The following ST18 variants were observed in gnomAD, a reference collection of about 807,000 sequenced individuals.
The protein encoded by ST18 is suppression of tumorigenicity 18 protein.
A neutral mutation model predicts 110.0 loss-of-function variants in ST18; 50 were observed. That is an observed-to-expected ratio of 0.45 (90% CI 0.36 to 0.58). The LOEUF (loss-of-function observed/expected upper bound fraction) is 0.58, where lower values mean the gene tolerates loss of function less well. Among genes scored for constraint, ST18 ranks in the 20% least tolerant of loss-of-function variants. ST18 has a pLI of 0.00. For synonymous variants in ST18, 461 were observed against 452.4 expected, an observed-to-expected ratio of 1.02 and a Z score of -0.24; for missense variants, 1,306 against 1,280.1, an observed-to-expected ratio of 1.02 and a Z score of -0.31.
At chr8:52,375,860 C>G (rs893389214) in intron 2 of ST18, among the ~76,000 whole-genome samples, 1 of 152,146 alleles carries the variant, frequency 6.6e-6, no homozygotes, top group African/African-American at 2.4e-5. Context: ...ACCAGCTCCA[C>G]CCACAGCCTT....
chr8:52,180,056 A>G, intron 9 of ST18, 66 bp downstream of exon 9: 1 of 1,507,400 alleles, frequency 6.6e-7, no homozygotes, highest in Non-Finnish European at 9.1e-7. Context: ...CACACACTCT[A>G]CATGAATTAG....
Position 52,136,658 on chromosome 8 carries a change from A to G in ST18, c.2232T>C (p.Ser744=), listed in dbSNP as rs767047350. The G allele has an allele frequency of 1.9e-6, 3 of 1,606,372 alleles. No homozygotes were observed. The highest frequency in any genetic ancestry group is 2.5e-6 in the Non-Finnish European group (3 of 1,176,520). The part of the protein sequence containing the change: ...HVTGNYASHR[S]VSGCPLADKT... ...TATCTGCTAAAGGACATCCAGAAAC[A>G]CTAGAGAGGGATGAGGAAAAAAACA... is the stretch of plus-strand genomic sequence containing the variant. The change falls in exon 19 of 26, where the codon AGT becomes AGC. Residue 744 remains serine, a splice_region_variant and synonymous_variant. Coordinates refer to ENST00000689386, the MANE Select transcript of ST18 (RefSeq NM_001352837.2).
intron 2 of ST18, among the ~76,000 whole-genome samples, chr8:52,304,821 G>A (rs1287021091): frequency 3.3e-5 from 5 of 152,152 alleles, no homozygotes; most frequent in Admixed American, 6.5e-5. Context: ...TCTTCTTGCT[G>A]TGTTCTCACA....
chr8:52,171,733 T>G (rs1016238973), intron 10 of ST18, 59 bp downstream of exon 10: 2 of 1,552,746 alleles, frequency 1.3e-6, no homozygotes, highest in African/African-American at 2.8e-5. Context: ...CAAATCTGAC[T>G]TTTTTTTCAA....
intron 2 of ST18, among the ~76,000 whole-genome samples, chr8:52,384,809 G>GTA (rs1835922290): frequency 6.6e-6 from 1 of 151,792 alleles, no homozygotes; most frequent in Non-Finnish European, 1.5e-5. Context: ...GTGTGTGTGT[G>GTA]TGTGTATCTA....
At chr8:52,360,785 T>C (rs115852636) in intron 2 of ST18, among the ~76,000 whole-genome samples, 443 of 152,332 alleles carry the variant, frequency 2.9e-3, no homozygotes, top group African/African-American at 0.01. Context: ...TGGGGAGTTA[T>C]TTAATGCCCA....
chr8:52,340,024 G>C (rs1236198122), intron 2 of ST18, among the ~76,000 whole-genome samples: 2 of 152,220 alleles, frequency 1.3e-5, no homozygotes, highest in Non-Finnish European at 2.9e-5. Flanking sequence ...ATAGCATGAA[G>C]TTGGGTTATG....
intron 2 of ST18, among the ~76,000 whole-genome samples, chr8:52,302,785 C>A (rs1589744548): frequency 6.6e-6 from 1 of 152,216 alleles, no homozygotes; most frequent in East Asian, 1.9e-4. Context: ...TAAATCTATA[C>A]AGATATAAAA....
intron 2 of ST18, among the ~76,000 whole-genome samples, chr8:52,292,706 GT>G (rs1262567873): frequency 1.3e-5 from 2 of 152,186 alleles, no homozygotes; most frequent in Admixed American, 1.3e-4. Flanking sequence ...GAGTTTAATT[GT>G]TTTTTACTTT....
At chr8:52,332,806 G>A (rs1218610384) in intron 2 of ST18, among the ~76,000 whole-genome samples, 1 of 152,050 alleles carries the variant, frequency 6.6e-6, no homozygotes, top group Non-Finnish European at 1.5e-5. Context: ...AGCCGAGATT[G>A]TGCCACTGCA....
intron 9 of ST18, among the ~76,000 whole-genome samples, chr8:52,175,975 T>C (rs963491367): frequency 6.6e-6 from 1 of 152,136 alleles, no homozygotes; most frequent in Non-Finnish European, 1.5e-5. Flanking sequence ...AGTTCGGATA[T>C]TTTCAAGAGT....
chr8:52,292,871 A>G (rs1274863144), intron 2 of ST18, among the ~76,000 whole-genome samples: 2 of 152,212 alleles, frequency 1.3e-5, no homozygotes, highest in African/African-American at 2.4e-5. Flanking sequence ...CTCCCTTCCA[A>G]TAAAGAAGGG....
At chr8:52,243,336 A>G (rs1283007739) in intron 2 of ST18, among the ~76,000 whole-genome samples, 1 of 152,218 alleles carries the variant, frequency 6.6e-6, no homozygotes, top group East Asian at 1.9e-4. Context: ...AGAAAAATAA[A>G]ACAACTTGTC....
intron 2 of ST18, among the ~76,000 whole-genome samples, chr8:52,243,178 A>G (rs920072487): frequency 1.3e-5 from 2 of 152,174 alleles, no homozygotes; most frequent in Non-Finnish European, 2.9e-5. Context: ...ACAGAGGTAT[A>G]ATGAGTGCTT....
intron 2 of ST18, among the ~76,000 whole-genome samples, chr8:52,362,293 T>G (rs191534364): frequency 6.9e-4 from 105 of 152,322 alleles, no homozygotes; most frequent in African/African-American, 2.5e-3. Flanking sequence ...TTTTTAAAGG[T>G]AGATAAAATT....
chr8:52,159,434 A>C (rs1286738806), intron 14 of ST18, among the ~76,000 whole-genome samples: 1 of 152,344 alleles, frequency 6.6e-6, no homozygotes, highest in African/African-American at 2.4e-5. Context: ...AGATAAAAAA[A>C]CACACTAGCA....
At chr8:52,217,101 A>T (rs888862427) in intron 6 of ST18, among the ~76,000 whole-genome samples, 1 of 152,160 alleles carries the variant, frequency 6.6e-6, no homozygotes, top group Admixed American at 6.5e-5. Flanking sequence ...AGCCCCGAAT[A>T]CTATTGATAA....
At position 52,214,526 on chromosome 8, in the gene ST18, T is replaced by G. The variant is rs567422461; in HGVS notation, c.1-269A>C. Among the ~76,000 whole-genome samples, 19 of 152,294 alleles carry G rather than the reference T, an allele frequency of 1.2e-4. No homozygotes were observed. The South Asian group carries it at 3.7e-3, about 30-fold the overall frequency. On this transcript the variant is annotated intron_variant, in intron 6 of 25. Transcript: ENST00000689386. ...GTGTTTGAAGTGACTCAAACACTTCTGGCATTACAAAGATAGAAAAAGGCT... is the reference window on the plus strand; with the variant it reads ...GTGTTTGAAGTGACTCAAACACTTCGGGCATTACAAAGATAGAAAAAGGCT...
rs1349554921 is a variant in ST18 at position 52,269,689 on chromosome 8, AT to A, written c.-464-39613del. Among the ~76,000 whole-genome samples, 11 of 152,232 alleles carry A rather than the reference AT, an allele frequency of 7.2e-5. 1 individual carries two copies. The highest frequency in any genetic ancestry group is 5.8e-4 in the East Asian group (3 of 5,178). ...AGTGACCCTTTTCTCTGCACTGCCAATTTCACGGTGGGATTATGTCGTCAAA... is the reference window on the plus strand; with the variant it reads ...AGTGACCCTTTTCTCTGCACTGCCAATTCACGGTGGGATTATGTCGTCAAA... On this transcript the variant is annotated intron_variant, in intron 2 of 25. Transcript: ENST00000689386.
Sources: gnomAD v4.1 joint callset for allele counts (sites outside exome capture counted in the v4.1 genomes callset) on GRCh38, gnomAD v4.1.1 for gene constraint, MANE v1.5 for transcripts, NCBI Gene and HGNC (gene_info 2026-07-23, HGNC 2026-07-21) for gene names.